The following NAALADL2 variants were observed in gnomAD, a reference collection of about 807,000 sequenced individuals.
NAALADL2 encodes N-acetylated alpha-linked acidic dipeptidase like 2.
NAALADL2 carries 76 observed loss-of-function variants against 87.2 expected under a neutral mutation model. That is an observed-to-expected ratio of 0.87 (90% confidence interval 0.72 to 1.05). The LOEUF is 1.05. NAALADL2 is among the 50% of genes least tolerant of loss of function. The pLI, the probability that NAALADL2 is intolerant of heterozygous loss-of-function variation, is 0.00. For synonymous variants in NAALADL2, 354 were observed against 331.0 expected (o/e 1.07, Z -0.75); for missense variants, 1,089 against 945.8 (o/e 1.15, Z -1.99).
intron 1 of NAALADL2, among the ~76,000 whole-genome samples, chr3:174,885,584 C>T (rs1039661212): frequency 6.6e-6 from 1 of 152,074 alleles, no homozygotes; most frequent in African/African-American, 2.4e-5. Context: ...TATCAGTGTA[C>T]TCCATACTAT....
Position 175,096,803 on chromosome 3 carries a change from C to G in NAALADL2, c.57C>G (p.Ala19=). ...TTATTTTCACAGGTAAAAAGATGGC[C>G]TATCAGAAGGTCCATGCAGATCAAA... ...PNTSLQGKKM[A]YQKVHADQRA... is the part of the protein sequence containing the mutation. The change falls in exon 2 of 14, where the codon GCC becomes GCG. Residue 19 remains alanine (A), a synonymous_variant. Coordinates refer to ENST00000454872, the MANE Select transcript of NAALADL2 (RefSeq NM_207015.3). 6.6e-7 allele frequency: 1 copy of G among 1,509,004 alleles called. No individual in the cohort carries two copies. Among genetic ancestry groups the G allele is most frequent in the Non-Finnish European group, 8.9e-7 (1 of 1,129,914 alleles). The allele number at this position is 1,509,004 out of a possible 1,614,324, so 93.5% of individuals were successfully genotyped here. A position where few individuals can be genotyped will look rare whatever the true frequency, so the allele number is the denominator to read the frequency against.
At chr3:175,460,407 CCT>C (rs1238554091) in intron 6 of NAALADL2, among the ~76,000 whole-genome samples, 1 of 152,068 alleles carries the variant, frequency 6.6e-6, no homozygotes, top group Non-Finnish European at 1.5e-5. Flanking sequence ...ATTATTTTGA[CCT>C]AGTCTTTGCC....
At position 175,025,649 on chromosome 3, in the gene NAALADL2, A is replaced by C. The variant is rs375859373; in HGVS notation, c.44-71141A>C. Among the ~76,000 whole-genome samples the C allele has an allele frequency of 3.6e-3, 550 of 152,302 alleles. 3 individuals carry two copies. The highest frequency in any genetic ancestry group is 0.01 in the African/African-American group (431 of 41,576). Reference sequence around the variant, plus strand: ...TTATAAGTGAAAATGTCATGAACATAGAGGACATAAGTTTCCAAAAATATT... The same window carrying C: ...TTATAAGTGAAAATGTCATGAACATCGAGGACATAAGTTTCCAAAAATATT... On this transcript the variant is annotated intron_variant, in intron 1 of 13. Coordinates refer to ENST00000454872, the MANE Select transcript of NAALADL2 (RefSeq NM_207015.3).
At chr3:174,461,077 C>T (rs1716187668) in intron 1 of NAALADL2, among the ~76,000 whole-genome samples, 1 of 151,928 alleles carries the variant, frequency 6.6e-6, no homozygotes, top group Non-Finnish European at 1.5e-5. Context: ...ACAGAAGGTC[C>T]TTATGCAGCT....
chr3:175,474,033 G>C (rs1582039994), intron 9 of NAALADL2, among the ~76,000 whole-genome samples: 2 of 152,152 alleles, frequency 1.3e-5, no homozygotes, highest in African/African-American at 2.4e-5. Flanking sequence ...CAGCATATAA[G>C]CATTCCCTTT....
At chr3:175,231,026 AC>A (rs1428552246) in intron 2 of NAALADL2, among the ~76,000 whole-genome samples, 1 of 152,070 alleles carries the variant, frequency 6.6e-6, no homozygotes, top group Non-Finnish European at 1.5e-5. Context: ...TCTTAGGAAA[AC>A]TGATTAAAAA....
chr3:175,239,184 TG>T (rs1468881507), intron 3 of NAALADL2, among the ~76,000 whole-genome samples: 1 of 152,162 alleles, frequency 6.6e-6, no homozygotes, highest in Non-Finnish European at 1.5e-5. Context: ...TAATGACAGG[TG>T]GGTCAGTAAA....
At chr3:175,560,398 G>T (rs1716078592) in intron 9 of NAALADL2, among the ~76,000 whole-genome samples, 1 of 151,712 alleles carries the variant, frequency 6.6e-6, no homozygotes, top group Non-Finnish European at 1.5e-5. Context: ...TTGTTTCATT[G>T]ATCTTTTTGT....
At chr3:175,020,188 AAAT>A (rs34841777) in intron 1 of NAALADL2, among the ~76,000 whole-genome samples, 8,653 of 152,126 alleles carry the variant, frequency 0.057, 304 homozygotes, top group Middle Eastern at 0.12. Flanking sequence ...AAAGTTATGA[AAAT>A]AATACTTGAA....
At chr3:174,864,563 A>G (rs1012665030) in intron 1 of NAALADL2, among the ~76,000 whole-genome samples, 1 of 152,106 alleles carries the variant, frequency 6.6e-6, no homozygotes, top group Non-Finnish European at 1.5e-5. Context: ...AAAAGGTGAT[A>G]CATAACTACA....
intron 4 of NAALADL2, among the ~76,000 whole-genome samples, chr3:175,320,437 C>G (rs1345598701): frequency 6.6e-6 from 1 of 152,118 alleles, no homozygotes; most frequent in Non-Finnish European, 1.5e-5. Flanking sequence ...AGGAGACCCC[C>G]ATAAGGTTAC....
At chr3:174,818,400 G>T (rs1721028810) in intron 3 of NAALADL2, among the ~76,000 whole-genome samples, 1 of 151,972 alleles carries the variant, frequency 6.6e-6, no homozygotes, top group South Asian at 2.1e-4. Flanking sequence ...TGGGGCCTGG[G>T]CTCCTAAGAG....
chr3:175,296,920 A>G (rs994248877), intron 4 of NAALADL2, among the ~76,000 whole-genome samples: 1 of 152,138 alleles, frequency 6.6e-6, no homozygotes, highest in Non-Finnish European at 1.5e-5. Flanking sequence ...CAGCAGGAGC[A>G]GAAGACTCAG....
chr3:175,167,982 T>C (rs1472006385), intron 2 of NAALADL2, among the ~76,000 whole-genome samples: 1 of 151,988 alleles, frequency 6.6e-6, no homozygotes, highest in Non-Finnish European at 1.5e-5. Context: ...CAAATAAGCA[T>C]GGGCTTATAA....
intron 2 of NAALADL2, among the ~76,000 whole-genome samples, chr3:174,558,327 C>T (rs1476328827): frequency 6.6e-6 from 1 of 151,956 alleles, no homozygotes; most frequent in Non-Finnish European, 1.5e-5. Context: ...TTGTGGAAGA[C>T]AGTTTTTCCA....
At chr3:175,503,480 T>A (rs1236983067) in intron 9 of NAALADL2, among the ~76,000 whole-genome samples, 1 of 152,166 alleles carries the variant, frequency 6.6e-6, no homozygotes, top group Admixed American at 6.5e-5. Flanking sequence ...GGTAATTCTG[T>A]TTTAAGTTCT....
intron 9 of NAALADL2, among the ~76,000 whole-genome samples, chr3:175,491,116 C>T (rs1008980550): frequency 6.7e-6 from 1 of 149,176 alleles, no homozygotes; most frequent in Non-Finnish European, 1.5e-5. Context: ...ACTTCCAACA[C>T]CCCAGAGCTG....
At chr3:175,492,021 C>A (rs574071565) in intron 9 of NAALADL2, among the ~76,000 whole-genome samples, 21 of 152,274 alleles carry the variant, frequency 1.4e-4, no homozygotes, top group Admixed American at 1.4e-3. Flanking sequence ...CATAATTGAA[C>A]CTCTGGGTAA....
intron 1 of NAALADL2, among the ~76,000 whole-genome samples, chr3:174,923,719 G>A (rs1173862165): frequency 6.6e-6 from 1 of 152,052 alleles, no homozygotes; most frequent in Non-Finnish European, 1.5e-5. Flanking sequence ...TTAAAGTGGT[G>A]TTTCTATTTT....
Sources: gnomAD v4.1 joint callset for allele counts (sites outside exome capture counted in the v4.1 genomes callset) on GRCh38, gnomAD v4.1.1 for gene constraint, MANE v1.5 for transcripts, NCBI Gene and HGNC (gene_info 2026-07-23, HGNC 2026-07-21) for gene names.